Variants in DLG1 observed in about 807,000 individuals in gnomAD.
DLG1 encodes disks large homolog 1.
DLG1 carries 42 observed loss-of-function variants against 123.4 expected under a neutral mutation model. That is an observed-to-expected ratio of 0.34 (90% CI 0.27 to 0.44). The LOEUF (loss-of-function observed/expected upper bound fraction) is 0.44. Among genes scored for constraint, DLG1 ranks in the 20% least tolerant of loss-of-function variants. DLG1 has a pLI of 1.00. For missense variants in DLG1, 942 were observed against 1,082.6 expected (o/e 0.87, Z 1.82); for synonymous variants, 317 against 356.2 (o/e 0.89, Z 1.24).
chr3:197,246,876 T>C (rs1261657182), intron 4 of DLG1, among the ~76,000 whole-genome samples: 1 of 152,200 alleles, frequency 6.6e-6, no homozygotes, highest in East Asian at 1.9e-4. Flanking sequence ...TTTGGTCTGC[T>C]GCAGGAATGT....
chr3:197,154,888 G>A (rs1319235418), intron 5 of DLG1, among the ~76,000 whole-genome samples: 2 of 152,008 alleles, frequency 1.3e-5, no homozygotes, highest in Admixed American at 6.6e-5. Flanking sequence ...TGAGTCTGAA[G>A]AACAGAAATA....
At chr3:197,111,395 G>C (rs184145617) in intron 13 of DLG1, among the ~76,000 whole-genome samples, 9 of 152,270 alleles carry the variant, frequency 5.9e-5, no homozygotes, top group African/African-American at 2.2e-4. Flanking sequence ...CTGAACTCTA[G>C]GCTAAACGAA....
chr3:197,061,523 T>C (rs1372928012), intron 22 of DLG1, among the ~76,000 whole-genome samples: 1 of 152,202 alleles, frequency 6.6e-6, no homozygotes. Flanking sequence ...TTCAGGATCA[T>C]AGGATCACAC....
At chr3:197,219,693 T>A (rs1442989656) in intron 4 of DLG1, among the ~76,000 whole-genome samples, 1 of 152,156 alleles carries the variant, frequency 6.6e-6, no homozygotes, top group Non-Finnish European at 1.5e-5. Context: ...CTGACTGGTT[T>A]CCTTACAAAA....
intron 10 of DLG1, among the ~76,000 whole-genome samples, chr3:197,131,220 T>G (rs1317081682): frequency 6.6e-6 from 1 of 152,194 alleles, no homozygotes; most frequent in Non-Finnish European, 1.5e-5. Context: ...ATATTTAAAT[T>G]GTTCTCCTAA....
intron 16 of DLG1, among the ~76,000 whole-genome samples, chr3:197,083,830 T>G (rs1008003963): frequency 9.8e-6 from 1 of 102,344 alleles, no homozygotes; most frequent in Non-Finnish European, 2.2e-5. Context: ...AACAAAAAAC[T>G]TAGCCGGGTG....
chr3:197,072,689 A>C (rs1322642234), intron 18 of DLG1, among the ~76,000 whole-genome samples: 1 of 151,404 alleles, frequency 6.6e-6, no homozygotes, highest in Non-Finnish European at 1.5e-5. Context: ...TTAAAAAAAA[A>C]AAAAACAAAA....
chr3:197,081,130 A>G lies in DLG1; in HGVS notation c.1839-13T>C. On this transcript the variant is annotated splice_polypyrimidine_tract_variant and intron_variant, in intron 16 of 24. Coordinates refer to ENST00000667157, the MANE Select transcript of DLG1 (RefSeq NM_001366207.1). ...TTTCTTCTCAACTCTGTCAAAGTAT[A>G]GAATGTTATTTTTTAAGTAAACCAA... is the stretch of plus-strand genomic sequence containing the variant. The G allele has an allele frequency of 6.2e-7, 1 of 1,607,808 alleles. No homozygotes were observed. The highest frequency in any genetic ancestry group is 8.5e-7 in the Non-Finnish European group (1 of 1,177,430).
intron 3 of DLG1, 68 bp from the exon 4 acceptor site, chr3:197,282,913 A>G (rs1043628182): frequency 3.1e-6 from 3 of 962,338 alleles, no homozygotes; most frequent in Admixed American, 5.2e-5. Flanking sequence ...ATGCTATAAC[A>G]ACATAACTCA....
intron 12 of DLG1, among the ~76,000 whole-genome samples, chr3:197,117,835 C>T (rs1218245052): frequency 2.4e-4 from 36 of 152,018 alleles, no homozygotes; most frequent in South Asian, 4.1e-4. Flanking sequence ...ATATATATTT[C>T]GCTACAATTT....
intron 4 of DLG1, among the ~76,000 whole-genome samples, chr3:197,278,832 T>C (rs750111916): frequency 7.9e-5 from 12 of 152,158 alleles, no homozygotes; most frequent in Non-Finnish European, 1.5e-4. Context: ...AATTGAGCAA[T>C]CTTAACTACT....
At chr3:197,216,005 T>C (rs917479802) in intron 4 of DLG1, among the ~76,000 whole-genome samples, 6 of 152,176 alleles carry the variant, frequency 3.9e-5, no homozygotes, top group African/African-American at 1.4e-4. Context: ...CCATACTCTG[T>C]CAAACTTTTG....
intron 4 of DLG1, among the ~76,000 whole-genome samples, chr3:197,229,018 C>A (rs1278571280): frequency 3.3e-5 from 5 of 152,102 alleles, no homozygotes; most frequent in Non-Finnish European, 1.5e-5. Context: ...CAACTTTGCG[C>A]CCCCAGGGAC....
At chr3:197,089,193 A>G (rs1756234152) in intron 15 of DLG1, among the ~76,000 whole-genome samples, 1 of 152,218 alleles carries the variant, frequency 6.6e-6, no homozygotes, top group African/African-American at 2.4e-5. Flanking sequence ...GGTGCCGGTG[A>G]CAGTTGTTTT....
chr3:197,125,921 G>A (rs1047594576), intron 11 of DLG1, among the ~76,000 whole-genome samples: 1 of 152,206 alleles, frequency 6.6e-6, no homozygotes, highest in African/African-American at 2.4e-5. Context: ...TAGCCTGACA[G>A]CAGGGTGACT....
At chr3:197,292,063 C>A (rs1775206211) in intron 3 of DLG1, among the ~76,000 whole-genome samples, 1 of 151,924 alleles carries the variant, frequency 6.6e-6, no homozygotes, top group Non-Finnish European at 1.5e-5. Context: ...TTATGGTGGG[C>A]CCTCAAAAAA....
intron 4 of DLG1, among the ~76,000 whole-genome samples, chr3:197,211,412 A>T (rs1420616928): frequency 1.4e-5 from 2 of 146,512 alleles, no homozygotes; most frequent in East Asian, 3.9e-4. Flanking sequence ...TAAAAACTGA[A>T]TCCTGTAGCA....
At chr3:197,200,116 T>C (rs974477462) in intron 4 of DLG1, among the ~76,000 whole-genome samples, 16 of 152,152 alleles carry the variant, frequency 1.1e-4, no homozygotes, top group African/African-American at 3.9e-4. Context: ...CCAGATATCT[T>C]TCTTTAGAAA....
intron 4 of DLG1, among the ~76,000 whole-genome samples, chr3:197,260,750 C>CAAAAAAAAAAAAAAA (rs570596943): frequency 9.3e-4 from 17 of 18,320 alleles, no homozygotes; most frequent in Admixed American, 4.2e-3. Context: ...TGACAACCAC[C>CAAAAAAAAAAAAAAA]AAAAAAAAAA....
Sources: gnomAD v4.1 joint callset for allele counts (sites outside exome capture counted in the v4.1 genomes callset) on GRCh38, gnomAD v4.1.1 for gene constraint, MANE v1.5 for transcripts, NCBI Gene and HGNC (gene_info 2026-07-23, HGNC 2026-07-21) for gene names.